CSMD1: variants seen among roughly 807,000 people sequenced by gnomAD.
The protein encoded by CSMD1 is CUB and sushi domain-containing protein 1.
In CSMD1, 213 loss-of-function variants were observed where a neutral mutation model predicts 417.5. The observed-to-expected ratio is 0.51, with a 90% confidence interval of 0.46 to 0.57. The LOEUF (loss-of-function observed/expected upper bound fraction) is 0.57. Among genes scored for constraint, CSMD1 ranks in the 20% least tolerant of loss-of-function variants. CSMD1 has a pLI of 0.00. For missense variants in CSMD1, 6,923 were observed against 4,529.7 expected, an observed-to-expected ratio of 1.53 and a Z score of -15.17; for synonymous variants, 2,862 against 1,736.8, an observed-to-expected ratio of 1.65 and a Z score of -16.11.
chr8:4,335,301 G>T (rs552556134), intron 3 of CSMD1, among the ~76,000 whole-genome samples: 1 of 152,008 alleles, frequency 6.6e-6, no homozygotes, highest in Admixed American at 6.6e-5. Context: ...TACCATAACC[G>T]GGAGGGTGAG....
chr8:4,163,258 G>A (rs758720880), intron 3 of CSMD1, among the ~76,000 whole-genome samples: 5 of 152,126 alleles, frequency 3.3e-5, no homozygotes, highest in Non-Finnish European at 5.9e-5. Context: ...CAAGGAGTGT[G>A]CTTCCTGGAC....
chr8:4,020,847 CCTAAA>C (rs1796753253), intron 4 of CSMD1, among the ~76,000 whole-genome samples: 1 of 152,154 alleles, frequency 6.6e-6, no homozygotes, highest in Non-Finnish European at 1.5e-5. Flanking sequence ...TTATCTTTTG[CCTAAA>C]CTAATTTTAA....
At chr8:4,918,296 A>G (rs1056745069) in intron 1 of CSMD1, among the ~76,000 whole-genome samples, 1 of 152,158 alleles carries the variant, frequency 6.6e-6, no homozygotes, top group Non-Finnish European at 1.5e-5. Flanking sequence ...TTTTGTATTT[A>G]TGAGCTTCGA....
Position 3,408,099 on chromosome 8 carries a change from A to T in CSMD1, c.1871T>A (p.Leu624Gln). 6.2e-7 allele frequency: 1 copy of T among 1,613,970 alleles called. No homozygotes were observed. The change falls in exon 14 of 70, where the codon CTA becomes CAA. Residue 624 changes from leucine (L) to glutamine (Q), a missense_variant. Transcript: ENST00000635120. ...CTCAACATCAAAATCATTAAAGATT[A>T]GGTGAATTCGACTTCCTGGCTCCGA... ...IISEPGSRIH[L>Q]IFNDFDVEPQ... is the part of the protein sequence containing the mutation.
intron 7 of CSMD1, among the ~76,000 whole-genome samples, chr8:3,648,963 C>G (rs57738812): frequency 0.051 from 7,728 of 152,168 alleles, 253 homozygotes; most frequent in South Asian, 0.083. Context: ...ATGTACCCAG[C>G]CCTGTGCATG....
chr8:4,858,394 A>G (rs541192015), intron 1 of CSMD1, among the ~76,000 whole-genome samples: 98 of 151,194 alleles, frequency 6.5e-4, no homozygotes, highest in Non-Finnish European at 1.1e-3. Context: ...TATTCAACGT[A>G]GTGTTGGAAG....
chr8:3,240,489 C>T (rs1344616115), intron 26 of CSMD1, among the ~76,000 whole-genome samples: 2 of 151,848 alleles, frequency 1.3e-5, no homozygotes, highest in African/African-American at 4.8e-5. Flanking sequence ...GCAGGGAGAG[C>T]ACGTGTGTTT....
chr8:3,283,811 C>G (rs1469815662), intron 26 of CSMD1, among the ~76,000 whole-genome samples: 2 of 152,232 alleles, frequency 1.3e-5, no homozygotes, highest in Admixed American at 6.5e-5. Flanking sequence ...GTCCTCTAAT[C>G]ATACTTCTGC....
intron 3 of CSMD1, among the ~76,000 whole-genome samples, chr8:4,141,966 T>A (rs1442015030): frequency 6.6e-6 from 1 of 151,126 alleles, no homozygotes; most frequent in Non-Finnish European, 1.5e-5. Context: ...AATTTGTTTA[T>A]AAATTATGAC....
intron 1 of CSMD1, among the ~76,000 whole-genome samples, chr8:4,941,654 A>C (rs952391488): frequency 6.6e-6 from 1 of 151,572 alleles, no homozygotes; most frequent in Non-Finnish European, 1.5e-5. Context: ...GCTGGGGTAC[A>C]GTACCACAAT....
intron 2 of CSMD1, among the ~76,000 whole-genome samples, chr8:4,522,157 C>T (rs769985950): frequency 6.6e-6 from 1 of 152,064 alleles, no homozygotes; most frequent in Non-Finnish European, 1.5e-5. Flanking sequence ...CTTTCCTGGG[C>T]TGTTCTCGTG....
At chr8:4,355,334 C>T (rs1020898227) in intron 3 of CSMD1, among the ~76,000 whole-genome samples, 9 of 151,600 alleles carry the variant, frequency 5.9e-5, no homozygotes, top group African/African-American at 2.2e-4. Flanking sequence ...CGCACACACA[C>T]ACACGTATAT....
chr8:4,115,290 A>T (rs188868039), intron 3 of CSMD1, among the ~76,000 whole-genome samples: 4 of 152,214 alleles, frequency 2.6e-5, no homozygotes, highest in Non-Finnish European at 5.9e-5. Flanking sequence ...AATTTTTAGC[A>T]TTTTTGGCAA....
At chr8:3,931,605 C>T (rs116601386) in intron 5 of CSMD1, among the ~76,000 whole-genome samples, 6 of 149,544 alleles carry the variant, frequency 4.0e-5, no homozygotes, top group Admixed American at 1.3e-4. Flanking sequence ...CAAATCATTG[C>T]GCCAAGAGTT....
At chr8:4,830,311 C>G (rs1459119490) in intron 1 of CSMD1, among the ~76,000 whole-genome samples, 2 of 152,174 alleles carry the variant, frequency 1.3e-5, no homozygotes, top group African/African-American at 2.4e-5. Context: ...TTTCTTTTTC[C>G]TACATTTCTC....
intron 25 of CSMD1, 84 bp from the exon 26 acceptor site, chr8:3,284,430 C>T (rs1054378516): frequency 6.0e-6 from 6 of 997,750 alleles, no homozygotes; most frequent in African/African-American, 3.2e-5. Context: ...AAGCTCATTT[C>T]GCTTTCACAC....
intron 5 of CSMD1, among the ~76,000 whole-genome samples, chr8:3,757,280 G>A (rs1293211976): frequency 6.6e-6 from 1 of 152,160 alleles, no homozygotes; most frequent in Non-Finnish European, 1.5e-5. Context: ...CAGGGAGTAC[G>A]TACGTATTTC....
rs1804876332 is a variant in CSMD1, at chr8:4,901,628, T to A, written c.85+92704A>T. 2.6e-5 allele frequency among the ~76,000 whole-genome samples: 4 copies of A among 152,218 alleles called. No homozygotes were observed. The South Asian group carries it at 8.3e-4, about 32-fold the overall frequency. On this transcript the variant is annotated intron_variant, in intron 1 of 69. Coordinates refer to ENST00000635120, the MANE Select transcript of CSMD1 (RefSeq NM_033225.6). ...TAGCCTTTGTCCCCATACTTCATTT[T>A]TAATTTAAAACTAGAAAGTTTGCAA...
intron 1 of CSMD1, among the ~76,000 whole-genome samples, chr8:4,810,883 G>C (rs955688294): frequency 6.6e-6 from 1 of 152,158 alleles, no homozygotes; most frequent in Non-Finnish European, 1.5e-5. Flanking sequence ...TAACAGCCTT[G>C]TGTCTGAATC....
Sources: allele counts gnomAD v4.1 joint callset (sites outside exome capture counted in the v4.1 genomes callset), GRCh38; gene constraint gnomAD v4.1.1; transcripts MANE v1.5; gene names NCBI Gene and HGNC (gene_info 2026-07-23, HGNC 2026-07-21).